The following L3MBTL4 variants were observed in gnomAD, a reference collection of about 807,000 sequenced individuals.
The protein encoded by L3MBTL4 is lethal(3)malignant brain tumor-like protein 4.
Under a neutral mutation model 84.5 loss-of-function variants are expected in L3MBTL4, and 70 were observed. That is an observed-to-expected ratio of 0.83 (90% confidence interval 0.68 to 1.01). The LOEUF (loss-of-function observed/expected upper bound fraction) is 1.01. L3MBTL4 is among the 50% of genes least tolerant of loss of function. The pLI is 0.00. For missense variants in L3MBTL4, 715 were observed against 754.8 expected (o/e 0.95, Z 0.62); for synonymous variants, 274 against 259.8 (o/e 1.05, Z -0.52).
At chr18:6,136,347 C>A (rs531132445) in intron 14 of L3MBTL4, among the ~76,000 whole-genome samples, 1 of 152,258 alleles carries the variant, frequency 6.6e-6, no homozygotes, top group South Asian at 2.1e-4. Context: ...GGCAGGGAAC[C>A]TAAGGCCAAT....
chr18:6,211,171 T>A (rs188946760), intron 12 of L3MBTL4, among the ~76,000 whole-genome samples: 1 of 152,226 alleles, frequency 6.6e-6, no homozygotes, highest in African/African-American at 2.4e-5. Flanking sequence ...CATTTTCCAA[T>A]AATTATTACT....
intron 10 of L3MBTL4, among the ~76,000 whole-genome samples, chr18:6,231,751 T>C (rs1294258522): frequency 6.6e-6 from 1 of 152,182 alleles, no homozygotes; most frequent in Non-Finnish European, 1.5e-5. Flanking sequence ...GTGTTGATTT[T>C]GTATCCTGCC....
intron 5 of L3MBTL4, among the ~76,000 whole-genome samples, chr18:6,249,081 A>T (rs1398647190): frequency 6.6e-6 from 1 of 152,184 alleles, no homozygotes; most frequent in African/African-American, 2.4e-5. Context: ...CCTTCTTCTC[A>T]CATCTACTAT....
chr18:6,398,557 C>T (rs143880631), intron 1 of L3MBTL4, among the ~76,000 whole-genome samples: 1 of 152,106 alleles, frequency 6.6e-6, no homozygotes. Context: ...AGGATAAAGG[C>T]TCTGAAATAG....
chr18:5,979,071 G>A (rs550304105), intron 16 of L3MBTL4, among the ~76,000 whole-genome samples: 369 of 152,246 alleles, frequency 2.4e-3, no homozygotes, highest in Middle Eastern at 3.4e-3. Context: ...AACCAACGGG[G>A]CAGGAATAAC....
At chr18:6,377,782 T>C (rs1045257906) in intron 1 of L3MBTL4, among the ~76,000 whole-genome samples, 6 of 152,228 alleles carry the variant, frequency 3.9e-5, no homozygotes, top group Non-Finnish European at 5.9e-5. Context: ...ACAATAAACA[T>C]ACATGTGCAT....
At chr18:6,318,788 T>A (rs979420855) in intron 1 of L3MBTL4, among the ~76,000 whole-genome samples, 2 of 152,070 alleles carry the variant, frequency 1.3e-5, no homozygotes, top group East Asian at 1.9e-4. Flanking sequence ...GAAGCTAACA[T>A]ATATTTATAG....
At chr18:5,988,746 G>T (rs669768) in intron 16 of L3MBTL4, among the ~76,000 whole-genome samples, 19,752 of 152,140 alleles carry the variant, frequency 0.13, 1,633 homozygotes, top group African/African-American at 0.22. Flanking sequence ...TGTCAAGTCA[G>T]ATTAGAATCA....
chr18:6,115,505 T>G (rs1369209770), intron 14 of L3MBTL4, among the ~76,000 whole-genome samples: 1 of 152,076 alleles, frequency 6.6e-6, no homozygotes, highest in Non-Finnish European at 1.5e-5. Flanking sequence ...TCCCACCCAT[T>G]TGGGTGGAGG....
intron 13 of L3MBTL4, among the ~76,000 whole-genome samples, chr18:6,165,372 A>G (rs574685700): frequency 5.9e-5 from 9 of 152,296 alleles, no homozygotes; most frequent in African/African-American, 1.9e-4. Context: ...TCCAAGACAC[A>G]TAATTGTCAG....
chr18:6,041,323 C>G (rs1400849738), intron 16 of L3MBTL4, among the ~76,000 whole-genome samples: 1 of 152,232 alleles, frequency 6.6e-6, no homozygotes. Context: ...CCCACCACAT[C>G]TGCCATCTCG....
At chr18:6,398,231 G>A (rs2055357547) in intron 1 of L3MBTL4, among the ~76,000 whole-genome samples, 1 of 152,158 alleles carries the variant, frequency 6.6e-6, no homozygotes, top group East Asian at 1.9e-4. Flanking sequence ...TAGTTTTAAC[G>A]GTATAGAAAA....
intron 1 of L3MBTL4, among the ~76,000 whole-genome samples, chr18:6,393,496 G>A (rs1019469166): frequency 2.6e-5 from 4 of 152,118 alleles, no homozygotes; most frequent in Admixed American, 1.3e-4. Flanking sequence ...AGTACCAACC[G>A]CATGCAGACC....
chr18:5,967,102 G>C (rs547544752), intron 17 of L3MBTL4, among the ~76,000 whole-genome samples: 49 of 152,224 alleles, frequency 3.2e-4, no homozygotes, highest in African/African-American at 1.1e-3. Flanking sequence ...GTGACTTTCC[G>C]CATAAGAACC....
chr18:6,271,306 T>A (rs1300034679), intron 4 of L3MBTL4, among the ~76,000 whole-genome samples: 3 of 152,198 alleles, frequency 2.0e-5, no homozygotes, highest in African/African-American at 7.2e-5. Context: ...ATTTAATTAT[T>A]CCACATTGTA....
At chr18:6,287,227 A>G (rs1331545059) in intron 4 of L3MBTL4, among the ~76,000 whole-genome samples, 1 of 152,212 alleles carries the variant, frequency 6.6e-6, no homozygotes, top group African/African-American at 2.4e-5. Context: ...CTTAAACATT[A>G]TAGGGATCAT....
At chr18:6,344,810 G>T (rs559187390) in intron 1 of L3MBTL4, among the ~76,000 whole-genome samples, 40 of 149,828 alleles carry the variant, frequency 2.7e-4, no homozygotes, top group Admixed American at 2.4e-3. Flanking sequence ...TGCAGAAAAA[G>T]CATTTTTCAT....
chr18:6,054,685 C>T (rs1044242942), intron 16 of L3MBTL4, among the ~76,000 whole-genome samples: 1 of 152,204 alleles, frequency 6.6e-6, no homozygotes, highest in East Asian at 1.9e-4. Flanking sequence ...ATTAACGCTT[C>T]GCCACAGAGC....
At chr18:6,359,846 T>TG (rs1272643236) in intron 1 of L3MBTL4, among the ~76,000 whole-genome samples, 1 of 151,682 alleles carries the variant, frequency 6.6e-6, no homozygotes, top group African/African-American at 2.4e-5. Flanking sequence ...CCTCCTAGTG[T>TG]GGGGGGCAAG....
Sources: gnomAD v4.1 joint callset for allele counts (sites outside exome capture counted in the v4.1 genomes callset) on GRCh38, gnomAD v4.1.1 for gene constraint, MANE v1.5 for transcripts, NCBI Gene and HGNC (gene_info 2026-07-23, HGNC 2026-07-21) for gene names.